The following ZNF480 variants were observed in gnomAD, a reference collection of about 807,000 sequenced individuals.
ZNF480 encodes the protein zinc finger protein 480.
A neutral mutation model predicts 14.4 loss-of-function variants in ZNF480; 15 were observed. That is an observed-to-expected ratio of 1.04 (90% CI 0.70 to 1.60). The LOEUF (loss-of-function observed/expected upper bound fraction) is 1.60. Ranked by LOEUF, ZNF480 falls within the 40% of genes most tolerant of loss-of-function variation. The pLI is 0.00. For synonymous variants in ZNF480, 218 were observed against 215.5 expected, an observed-to-expected ratio of 1.01 and a Z score of -0.10; for missense variants, 593 against 629.7, an observed-to-expected ratio of 0.94 and a Z score of 0.62.
chr19:52,308,301 T>C (rs1267104400), intron 2 of ZNF480, among the ~76,000 whole-genome samples: 3 of 121,476 alleles, frequency 2.5e-5, no homozygotes, highest in Non-Finnish European at 4.9e-5. Context: ...GCTTGATTTT[T>C]TTCTTCTTTT....
In ZNF480 at chr19:52,322,635, AG is replaced by A; in HGVS notation, c.1387del (p.Ala463HisfsTer8). ...CCTTACAAATGTAGTGAATGTGGCA[AG>A]GCATTCAGACACAAGTTATCACTAA... The part of the protein sequence containing the change: ...EKPYKCSECG[K>X]AFRHKLSLTN... On this transcript the variant is annotated frameshift_variant, in exon 5 of 5. Coordinates refer to ENST00000595962, the MANE Select transcript of ZNF480 (RefSeq NM_144684.4). LOFTEE classifies it low-confidence loss of function (END_TRUNC). The A allele has an allele frequency of 1.2e-6, 2 of 1,614,084 alleles. No individual in the cohort carries two copies. Among genetic ancestry groups the A allele is most frequent in the Non-Finnish European group, 1.7e-6 (2 of 1,179,988 alleles).
At position 52,325,600 on chromosome 19, in the gene ZNF480, A is replaced by G. The variant is rs1361129979; in HGVS notation, c.*2742A>G. 4 of 152,264 alleles carry G rather than the reference A, an allele frequency of 2.6e-5. No individual in the cohort carries two copies. The allele number at this position is 152,264 out of a possible 1,614,324, so 9.4% of individuals were successfully genotyped here. A position where few individuals can be genotyped will look rare whatever the true frequency, so the allele number is the denominator to read the frequency against. On this transcript the variant is annotated 3_prime_UTR_variant, in exon 5 of 5. Coordinates refer to ENST00000595962, the MANE Select transcript of ZNF480 (RefSeq NM_144684.4). ...TACTATGCAGCCATAAAAAAGAACA[A>G]GACTGTGTCCTTTACAGCAACATAG...
In ZNF480 at chr19:52,322,658, C is replaced by T. The variant is rs1343482762; in HGVS notation, c.1408C>T (p.Leu470=). 6.2e-7 allele frequency: 1 copy of T among 1,613,792 alleles called. No homozygotes were observed. The highest frequency in any genetic ancestry group is 1.3e-5 in the African/African-American group (1 of 74,888). The change falls in exon 5 of 5, where the codon CTA becomes TTA. Residue 470 remains leucine (L), a synonymous_variant. Transcript: ENST00000595962. The part of the protein sequence containing the change: ...CGKAFRHKLS[L]TNHQRIHTGE... ...CAAGGCATTCAGACACAAGTTATCA[C>T]TAACCAATCATCAGAGAATCCATAC...
At chr19:52,319,818 T>TG (rs1568635847) in intron 4 of ZNF480, among the ~76,000 whole-genome samples, 2 of 101,010 alleles carry the variant, frequency 2.0e-5, no homozygotes, top group African/African-American at 6.5e-5. Context: ...TGTGTTTTTT[T>TG]TTTTTTTTTT....
At chr19:52,321,436 C>T (rs1429239814) in intron 4 of ZNF480, 143 bp from the exon 5 acceptor site, 3 of 692,858 alleles carry the variant, frequency 4.3e-6, no homozygotes, top group Non-Finnish European at 6.9e-6. Context: ...TTTCTATTTT[C>T]AGCACAACCA....
At chr19:52,309,734 C>G (rs1454753624) in intron 2 of ZNF480, among the ~76,000 whole-genome samples, 8 of 152,218 alleles carry the variant, frequency 5.3e-5, no homozygotes, top group Admixed American at 3.9e-4. Flanking sequence ...TGGTGCATCT[C>G]TGGGTGCAGC....
At chr19:52,301,653 G>T (rs1218110070) in intron 2 of ZNF480, 1 of 152,038 alleles carries the variant, frequency 6.6e-6, no homozygotes, top group African/African-American at 2.4e-5. Context: ...AATTATTTAC[G>T]TAGTCTGCTC....
At chr19:52,317,234 T>A (rs1983601919) in intron 4 of ZNF480, among the ~76,000 whole-genome samples, 1 of 152,156 alleles carries the variant, frequency 6.6e-6, no homozygotes, top group South Asian at 2.1e-4. Flanking sequence ...GCCAGGCTCG[T>A]CTTGAACTCC....
intron 3 of ZNF480, 90 bp downstream of exon 3, chr19:52,314,369 T>C: frequency 7.7e-7 from 1 of 1,296,926 alleles, no homozygotes; most frequent in South Asian, 1.5e-5. Flanking sequence ...CCTGCATTGT[T>C]TGACTGACAT....
chr19:52,307,619 A>G (rs1983005419), intron 2 of ZNF480: 1 of 152,254 alleles, frequency 6.6e-6, no homozygotes, highest in Admixed American at 6.5e-5. Flanking sequence ...TTCAGAGCTG[A>G]GAGCTGTGAA....
chr19:52,304,928 C>T (rs1982857516), intron 2 of ZNF480, among the ~76,000 whole-genome samples: 1 of 151,906 alleles, frequency 6.6e-6, no homozygotes, highest in South Asian at 2.1e-4. Flanking sequence ...GAAACCCCGT[C>T]TCTACTAAAA....
rs1426112552 is a variant in ZNF480, at chr19:52,324,746, T to C, written c.*1888T>C. On this transcript the variant is annotated 3_prime_UTR_variant, in exon 5 of 5. Transcript: ENST00000595962. ...CTAGCCATATGCAGGATATTGAAAC[T>C]GGACCCCTATCCTTCACGATATACA... 2 of 152,168 alleles carry C rather than the reference T, an allele frequency of 1.3e-5. No individual in the cohort carries two copies. The highest frequency in any genetic ancestry group is 4.8e-5 in the African/African-American group (2 of 41,454). The allele number at this position is 152,168 out of a possible 1,614,324, so 9.4% of individuals were successfully genotyped here.
rs367935805 is a variant in ZNF480 at position 52,322,076 on chromosome 19, C to T, written c.826C>T (p.Arg276Ter). 175 of 1,613,706 alleles carry T rather than the reference C, an allele frequency of 1.1e-4. No individual in the cohort carries two copies. The highest frequency in any genetic ancestry group is 2.9e-4 in the South Asian group (26 of 91,058). The change falls in exon 5 of 5, where the codon CGA becomes TGA. Residue 276 changes from arginine to a stop codon, truncating the protein, a stop_gained. Coordinates refer to ENST00000595962, the MANE Select transcript of ZNF480 (RefSeq NM_144684.4). LOFTEE classifies it low-confidence loss of function (END_TRUNC). ...TTTTAGTTACAATTCAAACTTTGCA[C>T]GACATCAAAGAATTCATACCAGAGA... ...KVFSYNSNFA[R>*]HQRIHTREKP... is the part of the protein sequence containing the mutation.
At chr19:52,320,340 C>A (rs1223467048) in intron 4 of ZNF480, among the ~76,000 whole-genome samples, 1 of 152,158 alleles carries the variant, frequency 6.6e-6, no homozygotes, top group Non-Finnish European at 1.5e-5. Flanking sequence ...CATTAAGAAT[C>A]TTAAGGCAGT....
chr19:52,315,567 C>T (rs943965839), intron 3 of ZNF480, among the ~76,000 whole-genome samples: 16 of 150,776 alleles, frequency 1.1e-4, no homozygotes, highest in Non-Finnish European at 1.9e-4. Flanking sequence ...GTGATCCACC[C>T]GTCTCGGCCT....
At chr19:52,320,191 C>T (rs1983748929) in intron 4 of ZNF480, among the ~76,000 whole-genome samples, 2 of 152,062 alleles carry the variant, frequency 1.3e-5, no homozygotes, top group African/African-American at 4.8e-5. Context: ...CTGTTGAGCA[C>T]CTAATGAATT....
chr19:52,306,084 T>A (rs1982915363), intron 2 of ZNF480, among the ~76,000 whole-genome samples: 1 of 152,142 alleles, frequency 6.6e-6, no homozygotes, highest in Non-Finnish European at 1.5e-5. Context: ...AGCAGAGTAG[T>A]CTTATGCAGA....
In ZNF480 at chr19:52,313,051, C is replaced by T. The variant is rs559133595; in HGVS notation, c.73-1102C>T. Among the ~76,000 whole-genome samples, 162 of 151,970 alleles carry T rather than the reference C, an allele frequency of 1.1e-3. 1 individual carries two copies. Among genetic ancestry groups the T allele is most frequent in the African/African-American group, 3.8e-3 (158 of 41,440 alleles). The stretch of plus-strand genomic sequence containing the variant: ...GGCCAGGATGGTCTTGAACTCCTGA[C>T]CTCAAGTGATCTGCCCTCCTCGGCC... On this transcript the variant is annotated intron_variant, in intron 2 of 4. Transcript: ENST00000595962.
intron 2 of ZNF480, among the ~76,000 whole-genome samples, chr19:52,302,285 A>T (rs531022103): frequency 1.3e-5 from 2 of 152,322 alleles, no homozygotes; most frequent in South Asian, 4.1e-4. Context: ...TTTGGCCTTT[A>T]GGCAGGCTCA....
Sources: allele counts gnomAD v4.1 joint callset (sites outside exome capture counted in the v4.1 genomes callset), GRCh38; gene constraint gnomAD v4.1.1; transcripts MANE v1.5; gene names NCBI Gene and HGNC (gene_info 2026-07-23, HGNC 2026-07-21).